The following RPTOR variants were observed in gnomAD, a reference collection of about 807,000 sequenced individuals.
RPTOR encodes the protein regulatory associated protein of MTOR complex 1.
Under a neutral mutation model 169.9 loss-of-function variants are expected in RPTOR, and 21 were observed. The observed-to-expected ratio is 0.12, with a 90% CI of 0.09 to 0.18. The LOEUF is 0.18. Ranked by LOEUF, RPTOR falls within the 10% of genes least tolerant of loss-of-function variation. RPTOR has a pLI of 1.00. For synonymous variants in RPTOR, 732 were observed against 753.2 expected, an observed-to-expected ratio of 0.97 and a Z score of 0.46; for missense variants, 1,133 against 1,855.9, an observed-to-expected ratio of 0.61 and a Z score of 7.16.
chr17:80,723,931 A>G (rs967005701), intron 4 of RPTOR, among the ~76,000 whole-genome samples: 1 of 151,394 alleles, frequency 6.6e-6, no homozygotes, highest in Admixed American at 6.6e-5. Flanking sequence ...CATAGAGAGC[A>G]TGTGATTAGA....
At chr17:80,729,262 G>T (rs1235110579) in intron 4 of RPTOR, among the ~76,000 whole-genome samples, 1 of 152,190 alleles carries the variant, frequency 6.6e-6, no homozygotes, top group Non-Finnish European at 1.5e-5. Context: ...AGGATATGTG[G>T]CTTAGCTGCT....
intron 22 of RPTOR, 45 bp downstream of exon 22, chr17:80,922,872 G>GGCCCCACGGGCTGA (rs1208242789): frequency 3.4e-6 from 5 of 1,488,456 alleles, no homozygotes; most frequent in Non-Finnish European, 4.5e-6. Context: ...TGGTGACCGG[G>GGCCCCACGGGCTGA]GCCCCACGGG....
intron 3 of RPTOR, among the ~76,000 whole-genome samples, chr17:80,670,733 C>T (rs1335473323): frequency 6.6e-6 from 1 of 152,158 alleles, no homozygotes; most frequent in African/African-American, 2.4e-5. Context: ...CAGCACCTGG[C>T]GTTTGCCTGT....
At position 80,899,580 on chromosome 17, in the gene RPTOR, G is replaced by C. The variant is rs557942672; in HGVS notation, c.2401+5715G>C. On this transcript the variant is annotated intron_variant, in intron 20 of 33. Coordinates refer to ENST00000306801, the MANE Select transcript of RPTOR (RefSeq NM_020761.3). ...AAGGTCAAGGTGATAGCTCCCTTCC[G>C]TCACGTGTAGGTTAGAGCAGGAGTC... 3.3e-5 allele frequency among the ~76,000 whole-genome samples: 5 copies of C among 152,290 alleles called. No individual in the cohort carries two copies. In the East Asian group the frequency reaches 5.8e-4, roughly 18 times the overall value.
At chr17:80,607,310 A>G (rs561884091) in intron 1 of RPTOR, among the ~76,000 whole-genome samples, 2 of 152,266 alleles carry the variant, frequency 1.3e-5, no homozygotes, top group South Asian at 4.1e-4. Context: ...TTTATTTACA[A>G]CTGAAGGTAG....
rs901492222 is a variant in RPTOR at position 80,787,101 on chromosome 17, C to T, written c.831-4349C>T. 4.6e-5 allele frequency among the ~76,000 whole-genome samples: 7 copies of T among 152,226 alleles called. No homozygotes were observed. The East Asian group carries it at 7.7e-4, about 17-fold the overall frequency. Reference sequence around the variant, plus strand: ...GCCCTGTGACCACCGCCCTGAGTGCCGGGCTCATCATCCCTTCCATGCCCT... The same window carrying T: ...GCCCTGTGACCACCGCCCTGAGTGCTGGGCTCATCATCCCTTCCATGCCCT... On this transcript the variant is annotated intron_variant, in intron 6 of 33. Transcript: ENST00000306801.
chr17:80,901,351 C>T (rs1466611097), intron 20 of RPTOR, among the ~76,000 whole-genome samples: 1 of 152,188 alleles, frequency 6.6e-6, no homozygotes, highest in Non-Finnish European at 1.5e-5. Flanking sequence ...CCCATTCCAC[C>T]ATCCTTCTTA....
chr17:80,800,399 C>T (rs1164577518), intron 7 of RPTOR, among the ~76,000 whole-genome samples: 1 of 152,190 alleles, frequency 6.6e-6, no homozygotes, highest in African/African-American at 2.4e-5. Context: ...TCCGAGCTTT[C>T]GCCGTCCTTG....
intron 7 of RPTOR, among the ~76,000 whole-genome samples, chr17:80,797,189 G>T (rs1429504822): frequency 6.6e-6 from 1 of 152,208 alleles, no homozygotes; most frequent in African/African-American, 2.4e-5. Flanking sequence ...CTGGAATGCA[G>T]TGGTGCCGTC....
intron 23 of RPTOR, 195 bp downstream of exon 23, chr17:80,923,868 G>A (rs1467288235): frequency 3.3e-6 from 2 of 603,174 alleles, no homozygotes; most frequent in Non-Finnish European, 2.9e-6. Flanking sequence ...CCCTCTGCCT[G>A]CACTCCTTAG....
At chr17:80,733,923 G>T (rs542968920) in intron 5 of RPTOR, among the ~76,000 whole-genome samples, 47 of 152,110 alleles carry the variant, frequency 3.1e-4, no homozygotes, top group African/African-American at 1.1e-3. Context: ...CATTTTCAAG[G>T]CTCTTAGCTT....
chr17:80,670,301 G>T (rs1291046336), intron 3 of RPTOR, among the ~76,000 whole-genome samples: 1 of 152,118 alleles, frequency 6.6e-6, no homozygotes, highest in Non-Finnish European at 1.5e-5. Context: ...CCCGTCCCTT[G>T]TCCGTGTCGG....
chr17:80,718,559 G>A (rs1016157897), intron 4 of RPTOR, among the ~76,000 whole-genome samples: 1 of 152,234 alleles, frequency 6.6e-6, no homozygotes, highest in Non-Finnish European at 1.5e-5. Context: ...TGGTGGGCAG[G>A]CAAGGTTGGA....
At chr17:80,910,170 C>T (rs577432957) in intron 21 of RPTOR, among the ~76,000 whole-genome samples, 1 of 152,318 alleles carries the variant, frequency 6.6e-6, no homozygotes, top group South Asian at 2.1e-4. Context: ...GAGCCCCAGT[C>T]TCTGTCTCCT....
intron 6 of RPTOR, among the ~76,000 whole-genome samples, chr17:80,776,780 G>A (rs543735328): frequency 5.3e-5 from 8 of 152,178 alleles, no homozygotes; most frequent in African/African-American, 1.9e-4. Flanking sequence ...GGTCCTGTAC[G>A]TGACTGCAAG....
chr17:80,794,120 ACT>A (rs1033552714), intron 7 of RPTOR, among the ~76,000 whole-genome samples: 24 of 152,314 alleles, frequency 1.6e-4, no homozygotes, highest in African/African-American at 5.8e-4. Context: ...TAAAATGTTT[ACT>A]CTCTGAAAGA....
chr17:80,828,966 T>A (rs1242950252), intron 9 of RPTOR, among the ~76,000 whole-genome samples: 2 of 152,222 alleles, frequency 1.3e-5, no homozygotes, highest in Admixed American at 1.3e-4. Context: ...TATGTTAAAA[T>A]ACATAGTACA....
chr17:80,722,399 T>A lies in RPTOR; in HGVS notation c.508-8161T>A, dbSNP rs796222618. On this transcript the variant is annotated intron_variant, in intron 4 of 33. Coordinates refer to ENST00000306801, the MANE Select transcript of RPTOR (RefSeq NM_020761.3). ...TGATTGCCTGGGAGAAGATGTGGAA[T>A]AAGAAGAATGGAATAGGCCCCTGAC... Among the ~76,000 whole-genome samples the A allele has an allele frequency of 1.9e-4, 28 of 150,974 alleles. 3 individuals are homozygous for A. Among genetic ancestry groups the A allele is most frequent in the African/African-American group, 6.9e-4 (28 of 40,392 alleles).
In RPTOR at chr17:80,695,610, G is replaced by A. The variant is rs2066029880; in HGVS notation, c.349-12231G>A. Among the ~76,000 whole-genome samples, 4 of 152,240 alleles carry A rather than the reference G, an allele frequency of 2.6e-5. No homozygotes were observed. The highest frequency in any genetic ancestry group is 2.6e-4 in the Admixed American group (4 of 15,290). ...AAGCAGCTGTTTTACAGGAAACAAA[G>A]CAGGATGACCTTGGGCTTCCTAGTC... On this transcript the variant is annotated intron_variant, in intron 3 of 33. Coordinates refer to ENST00000306801, the MANE Select transcript of RPTOR (RefSeq NM_020761.3). This position sits in a 1 kb window ranked among gnomAD's most constrained non-coding sequence, Gnocchi z 4.9.
Sources: gnomAD v4.1 joint callset for allele counts (sites outside exome capture counted in the v4.1 genomes callset) on GRCh38, gnomAD v4.1.1 for gene constraint, Gnocchi (gnomAD v3.1) non-coding constraint, MANE v1.5 for transcripts, NCBI Gene and HGNC (gene_info 2026-07-23, HGNC 2026-07-21) for gene names.